The following PPFIA2 variants were observed in gnomAD, a reference collection of about 807,000 sequenced individuals.
PPFIA2 encodes PPFI scaffold protein A2, also known as liprin-alpha-2.
A neutral mutation model predicts 175.5 loss-of-function variants in PPFIA2; 46 were observed. The observed-to-expected ratio is 0.26, with a 90% CI of 0.21 to 0.34. The LOEUF (loss-of-function observed/expected upper bound fraction) is 0.34, where lower values mean the gene tolerates loss of function less well. PPFIA2 is among the 10% of genes least tolerant of loss of function. The probability of loss-of-function intolerance (pLI) is 1.00; values close to 1 mark genes in which losing one functional copy is unlikely to be tolerated. For missense variants in PPFIA2, 1,179 were observed against 1,506.1 expected, an observed-to-expected ratio of 0.78 and a Z score of 3.60; for synonymous variants, 568 against 511.4, an observed-to-expected ratio of 1.11 and a Z score of -1.49.
chr12:81,358,313 C>T, intron 15 of PPFIA2, 96 bp from the exon 16 acceptor site: 1 of 1,196,312 alleles, frequency 8.4e-7, no homozygotes, highest in Admixed American at 2.4e-5. Flanking sequence ...AAGCAGAAAT[C>T]CTCAAGGAAA....
At chr12:81,401,846 T>C (rs548777234) in intron 8 of PPFIA2, among the ~76,000 whole-genome samples, 1 of 152,346 alleles carries the variant, frequency 6.6e-6, no homozygotes, top group African/African-American at 2.4e-5. Context: ...TTTAGTGTTA[T>C]GAAAATTTGT....
intron 5 of PPFIA2, among the ~76,000 whole-genome samples, chr12:81,453,507 A>G (rs2145644106): frequency 6.6e-6 from 1 of 152,224 alleles, no homozygotes; most frequent in East Asian, 1.9e-4. Context: ...CCTTCTGTAA[A>G]TATATACTTG....
At chr12:81,546,123 C>CAA (rs11432193) in intron 4 of PPFIA2, 4,024 of 64,984 alleles carry the variant, frequency 0.062, 187 homozygotes, top group Non-Finnish European at 0.085. Context: ...GACTGTGTCT[C>CAA]AAAAAAAAAA....
At chr12:81,305,140 T>C (rs924478196) in intron 22 of PPFIA2, among the ~76,000 whole-genome samples, 2 of 152,174 alleles carry the variant, frequency 1.3e-5, no homozygotes, top group African/African-American at 4.8e-5. Flanking sequence ...TTTTTGGCTA[T>C]GTACTTAATC....
rs112677650 is a variant in PPFIA2 at position 81,696,487 on chromosome 12, T to C, written c.250-19643A>G. Reference sequence around the variant, plus strand: ...AAGACTGACATATTGCATATTTGCATATTTAAACCTTGCATATTTAATTTA... The same window carrying C: ...AAGACTGACATATTGCATATTTGCACATTTAAACCTTGCATATTTAATTTA... On this transcript the variant is annotated intron_variant, in intron 3 of 32. Transcript: ENST00000549396. Among the ~76,000 whole-genome samples the C allele has an allele frequency of 6.8e-3, 1,035 of 152,268 alleles. 9 individuals carry two copies. The highest frequency in any genetic ancestry group is 0.024 in the African/African-American group (983 of 41,564).
intron 4 of PPFIA2, among the ~76,000 whole-genome samples, chr12:81,485,474 G>A (rs1457218651): frequency 6.6e-6 from 1 of 151,684 alleles, no homozygotes; most frequent in Non-Finnish European, 1.5e-5. Context: ...AGAAATAAAA[G>A]AGTACTTTCC....
At chr12:81,427,072 T>C (rs2047261153) in intron 7 of PPFIA2, among the ~76,000 whole-genome samples, 1 of 152,094 alleles carries the variant, frequency 6.6e-6, no homozygotes, top group Non-Finnish European at 1.5e-5. Context: ...ATTTACACAT[T>C]TTATGTCTCT....
At chr12:81,454,888 G>A (rs899434904) in intron 5 of PPFIA2, among the ~76,000 whole-genome samples, 1 of 151,688 alleles carries the variant, frequency 6.6e-6, no homozygotes, top group African/African-American at 2.4e-5. Context: ...TCCCTCTGTC[G>A]CCCAGACTGG....
intron 4 of PPFIA2, among the ~76,000 whole-genome samples, chr12:81,629,372 A>G (rs760167080): frequency 6.6e-6 from 1 of 152,192 alleles, no homozygotes; most frequent in Non-Finnish European, 1.5e-5. Flanking sequence ...CAGTAAATCA[A>G]TAATTAGTCT....
rs191890417 is a variant in PPFIA2, at chr12:81,598,848, C to A, written c.303+77943G>T. ...AATACGAATGAAATTATTATTATCT[C>A]ATTTCCCCATCTTAGCTAAAAAATC... is the stretch of plus-strand genomic sequence containing the variant. On this transcript the variant is annotated intron_variant, in intron 4 of 32. Transcript: ENST00000549396. Among the ~76,000 whole-genome samples the A allele has an allele frequency of 4.6e-5, 7 of 152,056 alleles. No individual in the cohort carries two copies. The East Asian group carries it at 1.4e-3, about 29-fold the overall frequency.
intron 4 of PPFIA2, among the ~76,000 whole-genome samples, chr12:81,656,832 A>T (rs1002137604): frequency 6.6e-6 from 1 of 151,914 alleles, no homozygotes; most frequent in African/African-American, 2.4e-5. Context: ...TTCTAAATGT[A>T]CTTTAATAGA....
chr12:81,313,966 TAA>T (rs1400906016), intron 22 of PPFIA2, among the ~76,000 whole-genome samples: 3 of 151,942 alleles, frequency 2.0e-5, no homozygotes, highest in Non-Finnish European at 4.4e-5. Context: ...AACACAAATT[TAA>T]AAGATACTGC....
At chr12:81,369,473 C>A in intron 11 of PPFIA2, 1 of 1,244,716 alleles carries the variant, frequency 8.0e-7, no homozygotes, top group Non-Finnish European at 1.0e-6. Flanking sequence ...GAACACAAAC[C>A]TGCCATTGTC....
intron 3 of PPFIA2, among the ~76,000 whole-genome samples, chr12:81,718,709 G>C (rs2078961177): frequency 6.6e-6 from 1 of 151,584 alleles, no homozygotes; most frequent in African/African-American, 2.4e-5. Context: ...AGAAAATGCT[G>C]CTATAAATAT....
intron 22 of PPFIA2, chr12:81,312,343 C>A: frequency 1.6e-6 from 1 of 628,060 alleles, no homozygotes. Flanking sequence ...CACACATACT[C>A]ACTGCGTCGA....
chr12:81,737,046 T>C (rs2081669439), intron 3 of PPFIA2, among the ~76,000 whole-genome samples: 1 of 151,958 alleles, frequency 6.6e-6, no homozygotes, highest in South Asian at 2.1e-4. Flanking sequence ...CCAGCTCTAT[T>C]GATAAGAACA....
chr12:81,646,460 A>G (rs1479510262), intron 4 of PPFIA2, among the ~76,000 whole-genome samples: 1 of 152,130 alleles, frequency 6.6e-6, no homozygotes, highest in African/African-American at 2.4e-5. Flanking sequence ...TGCTCCTACC[A>G]TGAGACTGGC....
At chr12:81,275,119 G>T (rs1593570480) in intron 28 of PPFIA2, among the ~76,000 whole-genome samples, 1 of 152,314 alleles carries the variant, frequency 6.6e-6, no homozygotes, top group East Asian at 1.9e-4. Flanking sequence ...CATTCATTGT[G>T]TGGTCACATG....
chr12:81,276,435 C>T (rs2040551308), intron 28 of PPFIA2, among the ~76,000 whole-genome samples: 1 of 152,138 alleles, frequency 6.6e-6, no homozygotes, highest in South Asian at 2.1e-4. Context: ...AATACCTTTA[C>T]CTATATCTTT....
Sources: allele counts gnomAD v4.1 joint callset (sites outside exome capture counted in the v4.1 genomes callset), GRCh38; gene constraint gnomAD v4.1.1; transcripts MANE v1.5; gene names NCBI Gene and HGNC (gene_info 2026-07-23, HGNC 2026-07-21).